The following RARB variants were observed in gnomAD, a reference collection of about 807,000 sequenced individuals.
The protein encoded by RARB is HBV-activated protein.
In RARB, 17 loss-of-function variants were observed where a neutral mutation model predicts 51.9. That is an observed-to-expected ratio of 0.33 (90% CI 0.22 to 0.49). The LOEUF (loss-of-function observed/expected upper bound fraction) is 0.49. Among genes scored for constraint, RARB ranks in the 20% least tolerant of loss-of-function variants. The pLI is 0.99. For missense variants in RARB, 369 were observed against 550.8 expected, an observed-to-expected ratio of 0.67 and a Z score of 3.30; for synonymous variants, 215 against 195.4, an observed-to-expected ratio of 1.10 and a Z score of -0.84.
At chr3:25,384,449 T>A (rs1482015010) in intron 5 of RARB, among the ~76,000 whole-genome samples, 1 of 152,188 alleles carries the variant, frequency 6.6e-6, no homozygotes, top group East Asian at 1.9e-4. Flanking sequence ...TTTAGAATTA[T>A]AAACTGGACT....
chr3:25,175,158 T>C (rs1457025106), intron 5 of RARB, among the ~76,000 whole-genome samples: 1 of 152,230 alleles, frequency 6.6e-6, no homozygotes, highest in Non-Finnish European at 1.5e-5. Flanking sequence ...TAAGGTACTA[T>C]AAAATAAAAA....
At position 25,597,639 on chromosome 3, in the gene RARB, C is replaced by CAAACAACT. The variant is rs371314595; in HGVS notation, c.*1025_*1026insACAACTAA. The CAAACAACT allele has an allele frequency of 1.3e-5, 2 of 151,362 alleles. No individual in the cohort carries two copies. The highest frequency in any genetic ancestry group is 6.6e-5 in the Admixed American group (1 of 15,172). 9.4% of individuals were successfully genotyped at this position (151,362 alleles called of 1,614,324 possible). On this transcript the variant is annotated 3_prime_UTR_variant, in exon 8 of 8. Transcript: ENST00000330688. ...ATGCCAAGGGGCTAATTAATATTAA[C>CAAACAACT]AACTCCCAAAGAAACAGGCATAGAA...
At chr3:25,399,560 A>G (rs1042293902) in intron 5 of RARB, among the ~76,000 whole-genome samples, 11 of 152,140 alleles carry the variant, frequency 7.2e-5, no homozygotes, top group African/African-American at 2.2e-4. Flanking sequence ...TGCAAACATG[A>G]AGGGAACTGG....
At chr3:24,880,173 T>A (rs1450536074) in intron 2 of RARB, among the ~76,000 whole-genome samples, 1 of 152,144 alleles carries the variant, frequency 6.6e-6, no homozygotes, top group Non-Finnish European at 1.5e-5. Context: ...TGGATTCTGA[T>A]CTGTTATACC....
chr3:25,492,370 TC>T (rs1696784460), intron 2 of RARB, among the ~76,000 whole-genome samples: 1 of 152,236 alleles, frequency 6.6e-6, no homozygotes, highest in East Asian at 1.9e-4. Context: ...TAGTAACATT[TC>T]TTCCCTGGCT....
chr3:25,447,834 A>C (rs760154431), intron 1 of RARB, among the ~76,000 whole-genome samples: 7 of 152,142 alleles, frequency 4.6e-5, no homozygotes, highest in Non-Finnish European at 1.0e-4. Flanking sequence ...TCTTAGGTAC[A>C]TCAGAAGGGA....
chr3:25,496,989 A>T (rs886373423), intron 2 of RARB, among the ~76,000 whole-genome samples: 9 of 152,134 alleles, frequency 5.9e-5, no homozygotes, highest in Admixed American at 5.2e-4. Context: ...GGTTCAAGCG[A>T]TTCTCCTGCC....
intron 2 of RARB, among the ~76,000 whole-genome samples, chr3:24,899,424 C>T (rs1703549259): frequency 6.6e-6 from 1 of 152,154 alleles, no homozygotes; most frequent in African/African-American, 2.4e-5. Context: ...ATGTACCAGG[C>T]TGTTTGTGGA....
intron 2 of RARB, among the ~76,000 whole-genome samples, chr3:25,022,391 C>G (rs1049651773): frequency 2.6e-5 from 4 of 152,106 alleles, no homozygotes; most frequent in African/African-American, 9.7e-5. Context: ...GAGACACATC[C>G]ATATTTTTGT....
intron 3 of RARB, among the ~76,000 whole-genome samples, chr3:25,566,954 C>T (rs1286938083): frequency 1.3e-5 from 2 of 152,174 alleles, no homozygotes; most frequent in African/African-American, 2.4e-5. Flanking sequence ...GGGGATTTCG[C>T]GAGCTAGGAT....
chr3:25,078,068 T>C (rs116422367), intron 3 of RARB, among the ~76,000 whole-genome samples: 2 of 152,286 alleles, frequency 1.3e-5, no homozygotes, highest in Admixed American at 6.5e-5. Flanking sequence ...GATATAAATA[T>C]TTTGAGATAT....
intron 5 of RARB, among the ~76,000 whole-genome samples, chr3:25,344,827 TG>T (rs1408528037): frequency 6.6e-6 from 1 of 152,220 alleles, no homozygotes; most frequent in Non-Finnish European, 1.5e-5. Context: ...AATCCCAGCA[TG>T]TTTTTCTTGT....
chr3:25,137,435 A>G (rs951715560), intron 4 of RARB, among the ~76,000 whole-genome samples: 16 of 152,042 alleles, frequency 1.1e-4, no homozygotes, highest in Admixed American at 9.8e-4. Flanking sequence ...TGGGTCATAT[A>G]TGTTACAGGT....
intron 2 of RARB, among the ~76,000 whole-genome samples, chr3:24,939,866 A>G (rs1277935743): frequency 1.3e-5 from 2 of 152,236 alleles, no homozygotes; most frequent in African/African-American, 2.4e-5. Context: ...GACCATGACT[A>G]CTAACATACA....
At chr3:24,940,247 G>A (rs991773032) in intron 2 of RARB, among the ~76,000 whole-genome samples, 2 of 152,012 alleles carry the variant, frequency 1.3e-5, no homozygotes, top group Non-Finnish European at 2.9e-5. Context: ...ATTTCATACT[G>A]AATAGTTCTT....
At chr3:25,411,345 C>T (rs1277325863) in intron 5 of RARB, among the ~76,000 whole-genome samples, 1 of 152,158 alleles carries the variant, frequency 6.6e-6, no homozygotes, top group African/African-American at 2.4e-5. Context: ...ATGATAAAAA[C>T]AACTCTTGGT....
chr3:25,409,890 T>C (rs1559388996), intron 5 of RARB, among the ~76,000 whole-genome samples: 1 of 152,358 alleles, frequency 6.6e-6, no homozygotes, highest in East Asian at 1.9e-4. Flanking sequence ...TCCTTCAGTG[T>C]TCTTTATCAG....
chr3:25,593,422 A>C, intron 5 of RARB, 81 bp from the exon 6 acceptor site: 1 of 1,327,008 alleles, frequency 7.5e-7, no homozygotes, highest in Non-Finnish European at 1.1e-6. Context: ...GGAAATCTTC[A>C]TGTTATTTCC....
chr3:24,947,601 G>T (rs571428996), intron 2 of RARB, among the ~76,000 whole-genome samples: 4 of 152,134 alleles, frequency 2.6e-5, no homozygotes, highest in East Asian at 3.9e-4. Context: ...AGGAAGGCTC[G>T]CAAGTACAGA....
Sources: gnomAD v4.1 joint callset for allele counts (sites outside exome capture counted in the v4.1 genomes callset) on GRCh38, gnomAD v4.1.1 for gene constraint, MANE v1.5 for transcripts, NCBI Gene and HGNC (gene_info 2026-07-23, HGNC 2026-07-21) for gene names.